Variants in RGS6 observed in about 807,000 individuals in gnomAD.
The protein encoded by RGS6 is regulator of G-protein signaling 6.
RGS6 carries 30 observed loss-of-function variants against 78.5 expected under a neutral mutation model. The ratio of observed to expected loss-of-function variants is 0.38; its 90% CI spans 0.29 to 0.52. RGS6 has a LOEUF of 0.52. Among genes scored for constraint, RGS6 ranks in the 20% least tolerant of loss-of-function variants. RGS6 has a pLI of 0.85. For missense variants in RGS6, 495 were observed against 609.7 expected (o/e 0.81, Z 1.98); for synonymous variants, 206 against 206.0 (o/e 1.00, Z 0.00).
chr14:71,869,673 T>G, the RGS6 span, among the ~76,000 whole-genome samples: 6 of 152,216 alleles, frequency 3.9e-5, no homozygotes, highest in Non-Finnish European at 8.8e-5. Context: ...GCAACCTTTT[T>G]TGCTGAACCC....
At chr14:72,583,334 T>A in the RGS6 span, among the ~76,000 whole-genome samples, 2 of 152,232 alleles carry the variant, frequency 1.3e-5, no homozygotes, top group Admixed American at 6.5e-5. Context: ...TATATCTATA[T>A]CTAGATCTGG....
chr14:72,301,828 A>G (rs2066133029), intron 2 of RGS6, among the ~76,000 whole-genome samples: 1 of 152,012 alleles, frequency 6.6e-6, no homozygotes, highest in African/African-American at 2.4e-5. Context: ...CTCCAAGTCC[A>G]CTCACACTGG....
At chr14:71,947,714 A>G (rs1188909805) in intron 1 of RGS6, among the ~76,000 whole-genome samples, 1 of 152,088 alleles carries the variant, frequency 6.6e-6, no homozygotes, top group Non-Finnish European at 1.5e-5. Context: ...AGATTCTTAT[A>G]TTTTCTAATT....
At chr14:72,322,224 A>G (rs1174108336) in intron 2 of RGS6, among the ~76,000 whole-genome samples, 1 of 152,064 alleles carries the variant, frequency 6.6e-6, no homozygotes, top group Non-Finnish European at 1.5e-5. Context: ...ATAAAAGCAG[A>G]AAATAGGAAA....
chr14:72,618,146 C>A, the RGS6 span, among the ~76,000 whole-genome samples: 1 of 152,072 alleles, frequency 6.6e-6, no homozygotes, highest in Admixed American at 6.5e-5. Context: ...AATGTGGCCA[C>A]CCTGGTCGTG....
downstream of RGS6, among the ~76,000 whole-genome samples, chr14:72,567,471 G>A (rs764336260): frequency 1.2e-4 from 18 of 152,176 alleles, 1 homozygote; most frequent in Admixed American, 1.2e-3. Context: ...TGACCGCCAC[G>A]AGCAGGGCTC....
intron 3 of RGS6, among the ~76,000 whole-genome samples, chr14:72,362,477 C>T (rs1458883001): frequency 6.6e-6 from 1 of 152,200 alleles, no homozygotes; most frequent in Non-Finnish European, 1.5e-5. Context: ...AGGCCATAGT[C>T]ATCTGATGGC....
chr14:72,429,806 C>T (rs139668854), intron 3 of RGS6, among the ~76,000 whole-genome samples: 30 of 152,260 alleles, frequency 2.0e-4, no homozygotes, highest in Non-Finnish European at 2.6e-4. Flanking sequence ...CCTGTAATCC[C>T]GTTGTGACAA....
chr14:72,597,506 C>G, the RGS6 span, among the ~76,000 whole-genome samples: 1 of 152,174 alleles, frequency 6.6e-6, no homozygotes, highest in African/African-American at 2.4e-5. Context: ...TCGGCCATGA[C>G]TGGTTGGACC....
Position 72,411,550 on chromosome 14 carries a change from C to T in RGS6, c.185-42978C>T, listed in dbSNP as rs528188540. 2.9e-4 allele frequency among the ~76,000 whole-genome samples: 44 copies of T among 152,242 alleles called. 1 individual carries two copies. Among genetic ancestry groups the T allele is most frequent in the Admixed American group, 9.8e-4 (15 of 15,296 alleles). Reference sequence around the variant, plus strand: ...GACTTCCTCTTTTCCTAAATGAATACCCTTTATTTCCTTCTCCTGCCTGAT... The same window carrying T: ...GACTTCCTCTTTTCCTAAATGAATATCCTTTATTTCCTTCTCCTGCCTGAT... On this transcript the variant is annotated intron_variant, in intron 3 of 17. Transcript: ENST00000553525.
At chr14:72,106,208 A>T (rs2074501607) in intron 2 of RGS6, among the ~76,000 whole-genome samples, 1 of 152,228 alleles carries the variant, frequency 6.6e-6, no homozygotes, top group Admixed American at 6.5e-5. Context: ...CCATTCAATC[A>T]TTAATTTAAC....
At chr14:72,154,946 C>G (rs1325043659) in intron 2 of RGS6, among the ~76,000 whole-genome samples, 1 of 152,234 alleles carries the variant, frequency 6.6e-6, no homozygotes, top group Non-Finnish European at 1.5e-5. Flanking sequence ...CTGCAGGCAC[C>G]ATTTAGGAGC....
At chr14:72,509,962 A>C (rs566973466) in intron 13 of RGS6, among the ~76,000 whole-genome samples, 192 bp from the exon 14 acceptor site, 1 of 152,342 alleles carries the variant, frequency 6.6e-6, no homozygotes, top group East Asian at 1.9e-4. Context: ...GAAACTGTTC[A>C]TCATTGGTTA....
chr14:71,899,984 C>T, the RGS6 span, among the ~76,000 whole-genome samples: 2 of 152,226 alleles, frequency 1.3e-5, no homozygotes, highest in Non-Finnish European at 2.9e-5. Flanking sequence ...ACTTAAATCA[C>T]TTTTCTGGTG....
At chr14:71,990,924 A>G (rs1043105246) in intron 2 of RGS6, 1 of 445,964 alleles carries the variant, frequency 2.2e-6, no homozygotes, top group East Asian at 7.0e-5. Flanking sequence ...CATAGTTGGC[A>G]TCGGAGGCAG....
At chr14:72,405,890 G>A (rs1415679935) in intron 3 of RGS6, among the ~76,000 whole-genome samples, 1 of 152,162 alleles carries the variant, frequency 6.6e-6, no homozygotes, top group East Asian at 1.9e-4. Flanking sequence ...TTTAAAGATT[G>A]GAACGCTGTA....
chr14:71,984,184 G>A (rs1460755511), intron 2 of RGS6, among the ~76,000 whole-genome samples: 1 of 151,860 alleles, frequency 6.6e-6, no homozygotes, highest in African/African-American at 2.4e-5. Flanking sequence ...TACAGATAAG[G>A]GAACTGAGGG....
intron 17 of RGS6, chr14:72,540,542 C>T (rs1210280137): frequency 4.5e-6 from 7 of 1,569,424 alleles, no homozygotes; most frequent in African/African-American, 4.0e-5. Flanking sequence ...GCAGTCACGC[C>T]GGTGTGGGTC....
chr14:72,189,373 T>G (rs2097293772), intron 2 of RGS6, among the ~76,000 whole-genome samples: 1 of 152,120 alleles, frequency 6.6e-6, no homozygotes, highest in African/African-American at 2.4e-5. Flanking sequence ...CTCATGAAGT[T>G]TATAGTCTGA....
Sources: gnomAD v4.1 joint callset for allele counts (sites outside exome capture counted in the v4.1 genomes callset) on GRCh38, gnomAD v4.1.1 for gene constraint, MANE v1.5 for transcripts, NCBI Gene and HGNC (gene_info 2026-07-23, HGNC 2026-07-21) for gene names.